The following ITPK1 variants were observed in gnomAD, a reference collection of about 807,000 sequenced individuals.
ITPK1 encodes the protein inositol-tetrakisphosphate 1-kinase.
Under a neutral mutation model 45.3 loss-of-function variants are expected in ITPK1, and 21 were observed. That is an observed-to-expected ratio of 0.46 (90% confidence interval 0.33 to 0.67). The LOEUF (loss-of-function observed/expected upper bound fraction) is 0.67, where lower values mean the gene tolerates loss of function less well. Ranked by LOEUF, ITPK1 falls within the 30% of genes least tolerant of loss-of-function variation. ITPK1 has a pLI of 0.02. For missense variants in ITPK1, 474 were observed against 573.5 expected, an observed-to-expected ratio of 0.83 and a Z score of 1.77; for synonymous variants, 258 against 253.6, an observed-to-expected ratio of 1.02 and a Z score of -0.16.
chr14:93,067,381 C>CT lies in ITPK1; in HGVS notation c.120+9213dup, dbSNP rs549537432. ...TGGAGCACAGGGAGCCCCACCTGCC[C>CT]TGGCAGAGCTCTGTTGTCTTGACAT... On this transcript the variant is annotated intron_variant, in intron 3 of 10. Coordinates refer to ENST00000267615, the MANE Select transcript of ITPK1 (RefSeq NM_014216.6). 9.2e-5 allele frequency: 14 copies of CT among 151,972 alleles called. No individual in the cohort carries two copies. The East Asian group carries it at 2.5e-3, about 27-fold the overall frequency. The allele number at this position is 151,972 out of a possible 1,614,324, so 9.4% of individuals were successfully genotyped here. A position where few individuals can be genotyped will look rare whatever the true frequency, so the allele number is the denominator to read the frequency against.
intron 5 of ITPK1, among the ~76,000 whole-genome samples, chr14:92,991,275 G>A (rs939223786): frequency 1.6e-4 from 24 of 152,146 alleles, no homozygotes; most frequent in African/African-American, 5.6e-4. Flanking sequence ...CCCACCCAGC[G>A]ATGCTGGTGA....
At chr14:92,968,523 C>T (rs1424423929) in intron 5 of ITPK1, among the ~76,000 whole-genome samples, 2 of 152,120 alleles carry the variant, frequency 1.3e-5, no homozygotes, top group Non-Finnish European at 2.9e-5. Flanking sequence ...CTCATCCCCA[C>T]TGGGTCTGAG....
intron 9 of ITPK1, among the ~76,000 whole-genome samples, chr14:92,947,708 G>A (rs1714489647): frequency 1.3e-5 from 2 of 152,228 alleles, no homozygotes; most frequent in African/African-American, 4.8e-5. Flanking sequence ...GCCAAGGGAG[G>A]GCTCACACTA....
intron 10 of ITPK1, among the ~76,000 whole-genome samples, chr14:92,945,131 C>T (rs888908156): frequency 6.6e-6 from 1 of 152,232 alleles, no homozygotes; most frequent in Non-Finnish European, 1.5e-5. Context: ...GTGAGCTCTC[C>T]CCAGGCAGGG....
chr14:92,938,542 A>G lies in ITPK1; in HGVS notation c.*3019T>C, dbSNP rs775562584. On this transcript the variant is annotated 3_prime_UTR_variant, in exon 11 of 11. Coordinates refer to ENST00000267615, the MANE Select transcript of ITPK1 (RefSeq NM_014216.6). ...TGGCAGTCCCCTGGGTACAGAGAGG[A>G]ATGTTTTTCCCAGGTTGCTTTCTCC... The G allele has an allele frequency of 5.6e-6, 9 of 1,609,770 alleles. No individual in the cohort carries two copies. The East Asian group carries it at 1.6e-4, about 28-fold the overall frequency.
chr14:93,089,409 A>T (rs1891780148), intron 2 of ITPK1, among the ~76,000 whole-genome samples: 1 of 152,174 alleles, frequency 6.6e-6, no homozygotes, highest in South Asian at 2.1e-4. Flanking sequence ...CCTATGAAGT[A>T]GATTTCAGCT....
At chr14:92,987,611 G>A (rs962154027) in intron 5 of ITPK1, among the ~76,000 whole-genome samples, 20 of 152,268 alleles carry the variant, frequency 1.3e-4, no homozygotes, top group African/African-American at 4.6e-4. Context: ...AAGGGAACAG[G>A]GTGAGCTTTG....
rs936681340 is a variant in ITPK1 at position 93,099,679 on chromosome 14, T to G, written c.95+15390A>C. 6.6e-5 allele frequency among the ~76,000 whole-genome samples: 10 copies of G among 152,156 alleles called. 1 individual carries two copies. Among genetic ancestry groups the G allele is most frequent in the Admixed American group, 5.9e-4 (9 of 15,278 alleles). On this transcript the variant is annotated intron_variant, in intron 2 of 10. Transcript: ENST00000267615. ...ACAAGGTGGGGTCCAGGAAGCCGCT[T>G]CGGGGCTGCCCATGCAGCCACAGCC... is the stretch of plus-strand genomic sequence containing the variant.
intron 2 of ITPK1, among the ~76,000 whole-genome samples, chr14:93,109,204 A>T (rs1490497329): frequency 6.6e-6 from 1 of 152,226 alleles, no homozygotes; most frequent in Non-Finnish European, 1.5e-5. Context: ...TTTAAAAAAA[A>T]AGAGGTAATG....
chr14:92,940,312 C>A lies in ITPK1; in HGVS notation c.*1249G>T. ...CTGATGCCTCTCACCCAGCACCCCA[C>A]ATCTTCCAGGACTGCAGAGGCTTCT... is the stretch of plus-strand genomic sequence containing the variant. On this transcript the variant is annotated 3_prime_UTR_variant, in exon 11 of 11. Transcript: ENST00000267615. The A allele has an allele frequency of 1.0e-6, 1 of 991,056 alleles. No individual in the cohort carries two copies. Among genetic ancestry groups the A allele is most frequent in the Non-Finnish European group, 1.2e-6 (1 of 833,276 alleles). 61.4% of individuals were successfully genotyped at this position (991,056 alleles called of 1,614,324 possible).
intron 3 of ITPK1, among the ~76,000 whole-genome samples, chr14:93,030,632 G>A (rs572310562): frequency 1.3e-5 from 2 of 152,300 alleles, no homozygotes; most frequent in South Asian, 2.1e-4. Flanking sequence ...AGGCACCACC[G>A]AGGGCTGCAA....
chr14:93,004,704 C>G (rs775424044), intron 4 of ITPK1, among the ~76,000 whole-genome samples: 2 of 152,022 alleles, frequency 1.3e-5, no homozygotes, highest in Non-Finnish European at 2.9e-5. Context: ...CCCAGAGGCT[C>G]CTAAGTGGCG....
chr14:93,073,428 A>C (rs1476869004), intron 3 of ITPK1, among the ~76,000 whole-genome samples: 3 of 152,142 alleles, frequency 2.0e-5, no homozygotes, highest in Non-Finnish European at 4.4e-5. Flanking sequence ...ATATGCTCCC[A>C]CACCCACCTC....
intron 2 of ITPK1, among the ~76,000 whole-genome samples, chr14:93,086,840 C>A (rs1212463682): frequency 1.3e-5 from 2 of 152,356 alleles, no homozygotes; most frequent in Non-Finnish European, 1.5e-5. Context: ...CATGAGTCAG[C>A]CCTGACCCCA....
At chr14:93,067,177 T>G (rs1890792813) in intron 3 of ITPK1, among the ~76,000 whole-genome samples, 1 of 152,206 alleles carries the variant, frequency 6.6e-6, no homozygotes, top group Admixed American at 6.5e-5. Context: ...CCATCTCTTT[T>G]CTTTGCTTTT....
chr14:93,061,265 G>C (rs74370214), intron 3 of ITPK1, among the ~76,000 whole-genome samples: 1,701 of 152,302 alleles, frequency 0.011, 18 homozygotes, highest in South Asian at 0.019. Flanking sequence ...CTTAACCTTA[G>C]AGGTTGGTGT....
intron 6 of ITPK1, 135 bp downstream of exon 6, chr14:92,962,616 G>A: frequency 1.3e-6 from 1 of 785,888 alleles, no homozygotes; most frequent in Non-Finnish European, 2.3e-6. Flanking sequence ...GTGGGTGGAG[G>A]TGGGACCCAG....
At chr14:93,042,983 A>T (rs1889622445) in intron 3 of ITPK1, among the ~76,000 whole-genome samples, 1 of 151,818 alleles carries the variant, frequency 6.6e-6, no homozygotes, top group Non-Finnish European at 1.5e-5. Flanking sequence ...GCACCACTGC[A>T]CCCCAGCCTG....
chr14:92,944,700 AC>A (rs1789257476), intron 10 of ITPK1, among the ~76,000 whole-genome samples: 2 of 152,012 alleles, frequency 1.3e-5, no homozygotes, highest in African/African-American at 4.8e-5. Context: ...TAGATCCCAC[AC>A]TTCCTTATCC....
Sources: allele counts gnomAD v4.1 joint callset (sites outside exome capture counted in the v4.1 genomes callset), GRCh38; gene constraint gnomAD v4.1.1; transcripts MANE v1.5; gene names NCBI Gene and HGNC (gene_info 2026-07-23, HGNC 2026-07-21).